The following SMC4 variants were observed in gnomAD, a reference collection of about 807,000 sequenced individuals.
SMC4 encodes structural maintenance of chromosomes 4.
A neutral mutation model predicts 145.6 loss-of-function variants in SMC4; 87 were observed. The ratio of observed to expected loss-of-function variants is 0.60; its 90% CI spans 0.50 to 0.71. The LOEUF (loss-of-function observed/expected upper bound fraction) is 0.71, where lower values mean the gene tolerates loss of function less well. Among genes scored for constraint, SMC4 ranks in the 30% least tolerant of loss-of-function variants. The pLI is 0.00. For synonymous variants in SMC4, 558 were observed against 500.7 expected (o/e 1.11, Z -1.53); for missense variants, 1,447 against 1,537.1 (o/e 0.94, Z 0.98).
At chr3:160,433,587 T>C (rs1718658090) in intron 23 of SMC4, 70 bp from the exon 24 acceptor site, 7 of 914,424 alleles carry the variant, frequency 7.7e-6, no homozygotes, top group Non-Finnish European at 1.2e-5. Flanking sequence ...CCAAAAAATA[T>C]TTGAGGTTAC....
At position 160,416,288 on chromosome 3, in the gene SMC4, A is replaced by G. The variant is rs150343362; in HGVS notation, c.1310A>G (p.Asn437Ser). 4.4e-6 allele frequency: 7 copies of G among 1,599,004 alleles called. No individual in the cohort carries two copies. Among genetic ancestry groups the G allele is most frequent in the South Asian group, 1.1e-5 (1 of 88,654 alleles). Reference protein sequence around the residue: ...EFKSIPAKSNNIINETTTRNN... With the variant: ...EFKSIPAKSNSIINETTTRNN... ...AAAAGTATACCTGCCAAGAGTAACAATATCATTAATGAAACAACAACCAGA... is the reference window on the plus strand; with the variant it reads ...AAAAGTATACCTGCCAAGAGTAACAGTATCATTAATGAAACAACAACCAGA... Residue 437 changes from asparagine to serine, a missense_variant, in exon 10 of 24, where the codon AAT (asparagine) becomes AGT (serine). Coordinates refer to ENST00000357388, the MANE Select transcript of SMC4 (RefSeq NM_001002800.3).
In SMC4 at chr3:160,431,218, C is replaced by A; in HGVS notation, c.3114+13C>A. On this transcript the variant is annotated intron_variant, in intron 20 of 23. Coordinates refer to ENST00000357388, the MANE Select transcript of SMC4 (RefSeq NM_001002800.3). The stretch of plus-strand genomic sequence containing the variant: ...TTGGCACAAAGAGGTGAGATTGTTA[C>A]CGTTTAGTTTAATTTTAAACATATT... The A allele has an allele frequency of 6.4e-7, 1 of 1,557,474 alleles. No homozygotes were observed. Among genetic ancestry groups the A allele is most frequent in the Non-Finnish European group, 8.7e-7 (1 of 1,155,376 alleles).
At chr3:160,400,673 C>G (rs1714480431) in intron 1 of SMC4, 149 bp from the exon 2 acceptor site, 11 of 1,019,680 alleles carry the variant, frequency 1.1e-5, no homozygotes, top group Non-Finnish European at 1.3e-5. Context: ...TCGTGTCTTT[C>G]GATGGCTCCC....
At chr3:160,425,672 A>T (rs1403049715) in intron 16 of SMC4, among the ~76,000 whole-genome samples, 1 of 152,184 alleles carries the variant, frequency 6.6e-6, no homozygotes, top group Non-Finnish European at 1.5e-5. Context: ...ACCTTGATTC[A>T]GTTATTTCCT....
At chr3:160,432,678 A>G in intron 22 of SMC4, 163 bp downstream of exon 22, 1 of 557,086 alleles carries the variant, frequency 1.8e-6, no homozygotes, top group Non-Finnish European at 3.1e-6. Flanking sequence ...TGCAGTTTAC[A>G]GGGGCAGACA....
chr3:160,400,745 C>G, intron 1 of SMC4, 77 bp from the exon 2 acceptor site: 1 of 1,397,246 alleles, frequency 7.2e-7, no homozygotes, highest in Non-Finnish European at 9.2e-7. Context: ...GCCGGTGGAC[C>G]GAGATTTCCC....
At position 160,419,442 on chromosome 3, in the gene SMC4, G is replaced by A; in HGVS notation, c.1756G>A (p.Ala586Thr). ...VHDLFQKVEE[A>T]KSSLAMNRSR... Reference sequence around the variant, plus strand: ...TGATCTCTTTCAAAAAGTTGAAGAAGCAAAGAGCTCATTAGCAATGAATCG... The same window carrying A: ...TGATCTCTTTCAAAAAGTTGAAGAAACAAAGAGCTCATTAGCAATGAATCG... The change falls in exon 12 of 24, where the codon GCA (alanine) becomes ACA (threonine). Residue 586 changes from alanine (A) to threonine (T), a missense_variant. Transcript: ENST00000357388. 1 of 1,612,500 alleles carries A rather than the reference G, an allele frequency of 6.2e-7. No homozygotes were observed. Among genetic ancestry groups the A allele is most frequent in the Non-Finnish European group, 8.5e-7 (1 of 1,179,622 alleles).
intron 15 of SMC4, 139 bp from the exon 16 acceptor site, chr3:160,424,728 T>G (rs1266056006): frequency 1.2e-6 from 1 of 820,748 alleles, no homozygotes; most frequent in Admixed American, 2.6e-5. Context: ...GAGAATCGCT[T>G]GAACCCGGGA....
intron 16 of SMC4, 34 bp downstream of exon 16, chr3:160,425,053 TA>T (rs760283575): frequency 1.3e-6 from 2 of 1,532,954 alleles, no homozygotes; most frequent in Non-Finnish European, 1.8e-6. Flanking sequence ...TGTGTGTGTG[TA>T]CTGAAACTAT....
At chr3:160,427,674 A>G (rs1306419478) in intron 17 of SMC4, among the ~76,000 whole-genome samples, 1 of 152,198 alleles carries the variant, frequency 6.6e-6, no homozygotes, top group Non-Finnish European at 1.5e-5. Flanking sequence ...CATGTGGAGG[A>G]CCCATTTGTG....
intron 13 of SMC4, among the ~76,000 whole-genome samples, chr3:160,422,187 T>C (rs1426461529): frequency 6.6e-6 from 1 of 152,226 alleles, no homozygotes; most frequent in Non-Finnish European, 1.5e-5. Context: ...TGAGTGAACA[T>C]GTATTTTCAG....
intron 2 of SMC4, among the ~76,000 whole-genome samples, chr3:160,401,461 T>C (rs1487879838): frequency 6.6e-6 from 1 of 152,170 alleles, no homozygotes; most frequent in African/African-American, 2.4e-5. Context: ...GGTGACATTA[T>C]TAAACCCTCG....
intron 4 of SMC4, among the ~76,000 whole-genome samples, 190 bp downstream of exon 4, chr3:160,403,057 G>A (rs532610755): frequency 1.3e-5 from 2 of 152,192 alleles, no homozygotes; most frequent in Non-Finnish European, 2.9e-5. Flanking sequence ...TTTAGCTAAA[G>A]AAATGAAGTA....
chr3:160,401,641 C>G (rs1714673356), intron 2 of SMC4, among the ~76,000 whole-genome samples: 1 of 152,166 alleles, frequency 6.6e-6, no homozygotes, highest in Non-Finnish European at 1.5e-5. Context: ...TGTTTTGACT[C>G]TTAAGAGGTA....
intron 13 of SMC4, among the ~76,000 whole-genome samples, chr3:160,422,207 G>GTATA (rs934546117): frequency 2.2e-4 from 34 of 152,258 alleles, no homozygotes; most frequent in African/African-American, 7.7e-4. Flanking sequence ...GTTCTCTTGG[G>GTATA]TATATATATA....
intron 16 of SMC4, among the ~76,000 whole-genome samples, chr3:160,425,516 CT>C (rs1227840263): frequency 6.6e-6 from 1 of 151,942 alleles, no homozygotes; most frequent in Non-Finnish European, 1.5e-5. Flanking sequence ...GTCATACTAG[CT>C]TTTCTTAAAT....
In SMC4 at chr3:160,420,911, C is replaced by A; in HGVS notation, c.2019+10C>A. ...TATAGGTTTAGATAAGGTGGGTATT[C>A]GTAATAACCTACCTATAATTGGAAT... On this transcript the variant is annotated intron_variant, in intron 13 of 23. Transcript: ENST00000357388. 6.3e-7 allele frequency: 1 copy of A among 1,583,392 alleles called. No homozygotes were observed. Among genetic ancestry groups the A allele is most frequent in the South Asian group, 1.2e-5 (1 of 85,668 alleles).
Position 160,411,955 on chromosome 3 carries a change from A to C in SMC4, c.723A>C (p.Lys241Asn). 1 of 1,613,366 alleles carries C rather than the reference A, an allele frequency of 6.2e-7. No homozygotes were observed. Among genetic ancestry groups the C allele is most frequent in the Non-Finnish European group, 8.5e-7 (1 of 1,179,604 alleles). The change falls in exon 6 of 24, where the codon AAA becomes AAC. Residue 241 changes from lysine (K) to asparagine (N), a missense_variant. By Grantham distance (94) the Lys-to-Asn change is moderately conservative. Transcript: ENST00000357388. ...EVEQIAMMKP[K>N]GQTEHDEGML... ...AACAAATTGCTATGATGAAACCAAA[A>C]GGCCAGACTGAACACGATGAGGGTA...
chr3:160,419,922 T>C (rs1468867911), intron 12 of SMC4, among the ~76,000 whole-genome samples: 1 of 152,120 alleles, frequency 6.6e-6, no homozygotes, highest in African/African-American at 2.4e-5. Context: ...CTGGGCAATA[T>C]AGCAAGACTG....
Sources: allele counts gnomAD v4.1 joint callset (sites outside exome capture counted in the v4.1 genomes callset), GRCh38; gene constraint gnomAD v4.1.1; transcripts MANE v1.5; gene names NCBI Gene and HGNC (gene_info 2026-07-23, HGNC 2026-07-21).